RBFOX1: variants seen among roughly 807,000 people sequenced by gnomAD.
RBFOX1 encodes RNA binding fox-1 homolog 1.
In RBFOX1, 8 loss-of-function variants were observed where a neutral mutation model predicts 57.7. The observed-to-expected ratio is 0.14, with a 90% CI of 0.08 to 0.25. The LOEUF (loss-of-function observed/expected upper bound fraction) is 0.25. Among genes scored for constraint, RBFOX1 ranks in the 10% least tolerant of loss-of-function variants. The pLI is 1.00. For missense variants in RBFOX1, 611 were observed against 548.5 expected (o/e 1.11, Z -1.14); for synonymous variants, 326 against 222.4 (o/e 1.47, Z -4.15).
chr16:5,353,341 G>A (rs2065306196), intron 1 of RBFOX1, among the ~76,000 whole-genome samples: 1 of 149,934 alleles, frequency 6.7e-6, no homozygotes, highest in Non-Finnish European at 1.5e-5. Flanking sequence ...TCATGCCACT[G>A]CACTCCAGCC....
chr16:7,274,472 C>T, intron 4 of RBFOX1, among the ~76,000 whole-genome samples: 1 of 152,074 alleles, frequency 6.6e-6, no homozygotes, highest in South Asian at 2.1e-4. Flanking sequence ...AGTCAGTTTC[C>T]TTCTTAGCTT....
At chr16:5,843,281 A>G (rs2056672704) in intron 3 of RBFOX1, among the ~76,000 whole-genome samples, 1 of 152,134 alleles carries the variant, frequency 6.6e-6, no homozygotes. Context: ...CTGATCCTCT[A>G]ACTCCTCCTA....
At chr16:5,741,799 TAAA>T (rs1015412914) in intron 3 of RBFOX1, among the ~76,000 whole-genome samples, 4 of 152,086 alleles carry the variant, frequency 2.6e-5, no homozygotes, top group African/African-American at 9.7e-5. Context: ...GTTAAAGAAA[TAAA>T]AAACATGTAG....
At chr16:5,474,322 G>T (rs560659173) in intron 2 of RBFOX1, among the ~76,000 whole-genome samples, 1 of 152,272 alleles carries the variant, frequency 6.6e-6, no homozygotes, top group South Asian at 2.1e-4. Context: ...AGGGGACTTC[G>T]TTAAAGCTTA....
chr16:6,864,922 C>A (rs116366370), intron 3 of RBFOX1, among the ~76,000 whole-genome samples: 1 of 148,950 alleles, frequency 6.7e-6, no homozygotes, highest in Non-Finnish European at 1.5e-5. Flanking sequence ...GCTGATAAAT[C>A]GAAAACACAA....
chr16:5,646,299 A>G (rs960505154), intron 3 of RBFOX1, among the ~76,000 whole-genome samples: 2 of 150,436 alleles, frequency 1.3e-5, no homozygotes, highest in Admixed American at 1.3e-4. Context: ...TGCTGGGATT[A>G]TAGGTGTCAA....
chr16:7,251,702 G>T (rs947449418), intron 4 of RBFOX1, among the ~76,000 whole-genome samples: 1 of 152,168 alleles, frequency 6.6e-6, no homozygotes, highest in South Asian at 2.1e-4. Context: ...TTACAGGCAT[G>T]AGCCACAGTG....
At chr16:6,123,092 G>A (rs951157901) in intron 1 of RBFOX1, among the ~76,000 whole-genome samples, 1 of 152,096 alleles carries the variant, frequency 6.6e-6, no homozygotes, top group Non-Finnish European at 1.5e-5. Flanking sequence ...AAAATTTTAG[G>A]AGATCCCTCA....
At chr16:6,612,366 A>C (rs918798492) in intron 2 of RBFOX1, among the ~76,000 whole-genome samples, 2 of 152,190 alleles carry the variant, frequency 1.3e-5, no homozygotes, top group Non-Finnish European at 2.9e-5. Flanking sequence ...CAACATTGCC[A>C]CTGCTTTTAA....
chr16:5,769,644 C>A (rs1249582164), intron 3 of RBFOX1, among the ~76,000 whole-genome samples: 1 of 152,044 alleles, frequency 6.6e-6, no homozygotes, highest in Non-Finnish European at 1.5e-5. Context: ...CAGAGTGAGA[C>A]TCCCTCTCAA....
chr16:5,763,974 T>C (rs1306976793), intron 3 of RBFOX1, among the ~76,000 whole-genome samples: 1 of 152,374 alleles, frequency 6.6e-6, no homozygotes, highest in East Asian at 1.9e-4. Context: ...CTATCTCCTA[T>C]GCTAGAACAC....
chr16:7,151,803 T>A (rs1476230741), intron 4 of RBFOX1, among the ~76,000 whole-genome samples: 1 of 152,092 alleles, frequency 6.6e-6, no homozygotes, highest in Non-Finnish European at 1.5e-5. Flanking sequence ...AGGCATTAGA[T>A]TCTCATAAGC....
At chr16:6,998,556 A>G (rs982077004) in intron 3 of RBFOX1, among the ~76,000 whole-genome samples, 15 of 152,180 alleles carry the variant, frequency 9.9e-5, no homozygotes, top group African/African-American at 3.4e-4. Flanking sequence ...AGCTGGTTGT[A>G]TTGAAGAACC....
intron 4 of RBFOX1, among the ~76,000 whole-genome samples, chr16:5,955,326 TA>T (rs1454218494): frequency 0.25 from 15,704 of 62,626 alleles, 2,544 homozygotes; most frequent in African/African-American, 0.41. Context: ...TAAAATAAAA[TA>T]AAATAAAATA....
intron 2 of RBFOX1, among the ~76,000 whole-genome samples, chr16:5,563,774 G>A (rs182819799): frequency 6.6e-6 from 1 of 152,144 alleles, no homozygotes; most frequent in African/African-American, 2.4e-5. Flanking sequence ...GAGCACTATA[G>A]CATATTTTGG....
At chr16:5,798,325 C>T (rs1186739037) in intron 3 of RBFOX1, among the ~76,000 whole-genome samples, 1 of 152,146 alleles carries the variant, frequency 6.6e-6, no homozygotes, top group Non-Finnish European at 1.5e-5. Flanking sequence ...ATCTTCCAAG[C>T]AGTGTCGATT....
At chr16:7,133,596 C>T (rs572411706) in intron 4 of RBFOX1, among the ~76,000 whole-genome samples, 1 of 152,176 alleles carries the variant, frequency 6.6e-6, no homozygotes, top group South Asian at 2.1e-4. Context: ...TGATTAATAC[C>T]AAAGAAACTT....
intron 3 of RBFOX1, among the ~76,000 whole-genome samples, chr16:6,932,157 G>A (rs544475047): frequency 6.6e-6 from 1 of 152,270 alleles, no homozygotes; most frequent in Admixed American, 6.5e-5. Flanking sequence ...AGCCTGGAGT[G>A]CAGTGGCATG....
intron 1 of RBFOX1, among the ~76,000 whole-genome samples, chr16:6,299,600 C>G (rs2078561715): frequency 2.0e-5 from 3 of 152,170 alleles, no homozygotes; most frequent in East Asian, 1.9e-4. Flanking sequence ...AGGTCACTCT[C>G]TACCATTTGG....
Sources: gnomAD v4.1 joint callset for allele counts (sites outside exome capture counted in the v4.1 genomes callset) on GRCh38, gnomAD v4.1.1 for gene constraint, MANE v1.5 for transcripts, NCBI Gene and HGNC (gene_info 2026-07-23, HGNC 2026-07-21) for gene names.